The following RTTN variants were observed in gnomAD, a reference collection of about 807,000 sequenced individuals.
The protein encoded by RTTN is rotatin.
In RTTN, 182 loss-of-function variants were observed where a neutral mutation model predicts 269.2. The observed-to-expected ratio is 0.68, with a 90% CI of 0.60 to 0.76. The LOEUF (loss-of-function observed/expected upper bound fraction) is 0.76, where lower values mean the gene tolerates loss of function less well. Ranked by LOEUF, RTTN falls within the 30% of genes least tolerant of loss-of-function variation. The pLI is 0.00. For missense variants in RTTN, 2,545 were observed against 2,608.6 expected (o/e 0.98, Z 0.53); for synonymous variants, 1,006 against 963.5 (o/e 1.04, Z -0.82).
rs74669318 is a variant in RTTN, at chr18:70,170,411, A to G, written c.1477-1344T>C. On this transcript the variant is annotated intron_variant, in intron 11 of 48. Transcript: ENST00000640769. ...TAGGAAAGATGAAGAGGAACAGAGA[A>G]GTAATGGGGAGTGGAGGCAGGGAAC... is the stretch of plus-strand genomic sequence containing the variant. Among the ~76,000 whole-genome samples, 671 of 152,366 alleles carry G rather than the reference A, an allele frequency of 4.4e-3. 1 individual carries two copies. Among genetic ancestry groups the G allele is most frequent in the Non-Finnish European group, 8.0e-3 (544 of 68,028 alleles).
chr18:70,187,779 A>T (rs1426852015), intron 10 of RTTN, among the ~76,000 whole-genome samples: 1 of 152,234 alleles, frequency 6.6e-6, no homozygotes, highest in Non-Finnish European at 1.5e-5. Flanking sequence ...AAGAAATACA[A>T]ATTTAAAATA....
chr18:70,170,517 C>T (rs1243077641), intron 11 of RTTN, among the ~76,000 whole-genome samples: 1 of 152,098 alleles, frequency 6.6e-6, no homozygotes, highest in Non-Finnish European at 1.5e-5. Context: ...TCAGGAGCCA[C>T]GTGGCTATCT....
intron 28 of RTTN, among the ~76,000 whole-genome samples, chr18:70,099,961 C>T (rs1443958279): frequency 2.6e-5 from 4 of 152,214 alleles, no homozygotes; most frequent in Non-Finnish European, 5.9e-5. Flanking sequence ...GGTACCAGTA[C>T]CATGCTGTTT....
chr18:70,096,551 C>T (rs1319657260), intron 28 of RTTN, among the ~76,000 whole-genome samples: 4 of 152,198 alleles, frequency 2.6e-5, no homozygotes, highest in African/African-American at 7.2e-5. Flanking sequence ...AACAGTCAGG[C>T]CCCTCTGCTG....
intron 40 of RTTN, among the ~76,000 whole-genome samples, chr18:70,032,208 G>A (rs1397652099): frequency 6.6e-6 from 1 of 152,214 alleles, no homozygotes; most frequent in Admixed American, 6.5e-5. Flanking sequence ...TCTTGCCCAT[G>A]AGATGGGGCC....
chr18:70,194,664 G>A (rs1003773727), intron 7 of RTTN: 6 of 152,358 alleles, frequency 3.9e-5, no homozygotes, highest in Admixed American at 3.3e-4. Flanking sequence ...CAATGTGGAT[G>A]AAGCTTGAAA....
At chr18:70,150,809 A>C (rs972946327) in intron 14 of RTTN, 76 bp from the exon 15 acceptor site, 2 of 1,229,032 alleles carry the variant, frequency 1.6e-6, no homozygotes, top group Admixed American at 4.7e-5. Flanking sequence ...TCTTCTGTTT[A>C]CAATCCCATT....
At chr18:70,036,475 T>C (rs2057174907) in intron 40 of RTTN, among the ~76,000 whole-genome samples, 1 of 152,120 alleles carries the variant, frequency 6.6e-6, no homozygotes, top group South Asian at 2.1e-4. Flanking sequence ...TTCTCACTTA[T>C]AAGTAGGAGC....
intron 10 of RTTN, among the ~76,000 whole-genome samples, chr18:70,179,600 G>A (rs2061376201): frequency 6.6e-6 from 1 of 152,088 alleles, no homozygotes; most frequent in Non-Finnish European, 1.5e-5. Context: ...TGACGGTGGG[G>A]GAAAAGACCC....
At chr18:70,076,656 T>C (rs1425186428) in intron 32 of RTTN, among the ~76,000 whole-genome samples, 1 of 152,166 alleles carries the variant, frequency 6.6e-6, no homozygotes, top group East Asian at 1.9e-4. Flanking sequence ...CTACCAACAC[T>C]GTGAGCTTAC....
In RTTN at chr18:70,186,503, T is replaced by C. The variant is rs549764880; in HGVS notation, c.1305+1605A>G. 5.9e-5 allele frequency among the ~76,000 whole-genome samples: 9 copies of C among 152,244 alleles called. No individual in the cohort carries two copies. The South Asian group carries it at 1.9e-3, about 32-fold the overall frequency. ...GCGCGGTGGCTCGCACCTGTAATTC[T>C]AGCACTTTCGGAGACCAAGGCAGGC... On this transcript the variant is annotated intron_variant, in intron 10 of 48. Coordinates refer to ENST00000640769, the MANE Select transcript of RTTN (RefSeq NM_173630.4).
At chr18:70,204,547 T>C (rs1449736348) in intron 2 of RTTN, among the ~76,000 whole-genome samples, 2 of 152,152 alleles carry the variant, frequency 1.3e-5, no homozygotes, top group Non-Finnish European at 2.9e-5. Flanking sequence ...GGTTACTTTT[T>C]TCCACTGACA....
intron 46 of RTTN, among the ~76,000 whole-genome samples, chr18:70,015,713 T>C (rs1293711103): frequency 1.3e-5 from 2 of 152,098 alleles, no homozygotes; most frequent in Non-Finnish European, 2.9e-5. Context: ...TACAAAGAAA[T>C]GCTAAAAATA....
At chr18:70,173,459 C>A (rs893772442) in intron 11 of RTTN, among the ~76,000 whole-genome samples, 6 of 144,694 alleles carry the variant, frequency 4.1e-5, no homozygotes, top group Non-Finnish European at 3.0e-5. Flanking sequence ...CGCCACTGAA[C>A]TCCAGCCTGG....
chr18:70,095,251 C>G (rs1433806575), intron 28 of RTTN, among the ~76,000 whole-genome samples: 2 of 151,982 alleles, frequency 1.3e-5, no homozygotes, highest in African/African-American at 4.8e-5. Flanking sequence ...GCCTCTTTAT[C>G]CAATTTGCCA....
intron 34 of RTTN, among the ~76,000 whole-genome samples, chr18:70,069,383 A>T (rs1216572869): frequency 6.6e-6 from 1 of 152,176 alleles, no homozygotes; most frequent in Non-Finnish European, 1.5e-5. Flanking sequence ...ATGGACTCAA[A>T]TCTTGCTTAT....
chr18:70,128,463 G>A lies in RTTN; in HGVS notation c.3038C>T (p.Ala1013Val), dbSNP rs2059920894. 3 of 1,613,052 alleles carry A rather than the reference G, an allele frequency of 1.9e-6. No individual in the cohort carries two copies. The highest frequency in any genetic ancestry group is 3.3e-5 in the Admixed American group (2 of 59,838). Residue 1013 changes from alanine (A) to valine (V), a missense_variant, in exon 24 of 49, where the codon GCC becomes GTC. Physicochemically the swap from Ala to Val is moderately conservative, Grantham distance 64 (BLOSUM62 0). Coordinates refer to ENST00000640769, the MANE Select transcript of RTTN (RefSeq NM_173630.4). ...IVLPLSADCL[A>V]LKPVSDMLRI... ...CAGCATATCTGACACCGGCTTCAAG[G>A]CCAAACAATCAGCAGATAAGGGCAA...
intron 14 of RTTN, among the ~76,000 whole-genome samples, chr18:70,158,354 T>C (rs537383574): frequency 6.6e-6 from 1 of 152,252 alleles, no homozygotes; most frequent in African/African-American, 2.4e-5. Context: ...CTAAGCTTCA[T>C]AAGCAAAGGA....
intron 14 of RTTN, among the ~76,000 whole-genome samples, chr18:70,162,523 G>A (rs952669053): frequency 4.6e-5 from 7 of 152,104 alleles, no homozygotes; most frequent in Non-Finnish European, 8.8e-5. Context: ...TTCACAGGGC[G>A]GCAGGAGAGA....
Sources: allele counts gnomAD v4.1 joint callset (sites outside exome capture counted in the v4.1 genomes callset), GRCh38; gene constraint gnomAD v4.1.1; transcripts MANE v1.5; gene names NCBI Gene and HGNC (gene_info 2026-07-23, HGNC 2026-07-21).